TENM4: variants seen among roughly 807,000 people sequenced by gnomAD.
The protein encoded by TENM4 is teneurin transmembrane protein 4.
Under a neutral mutation model 243.3 loss-of-function variants are expected in TENM4, and 82 were observed. The observed-to-expected ratio is 0.34, with a 90% CI of 0.28 to 0.40. The LOEUF (loss-of-function observed/expected upper bound fraction) is 0.40, where lower values mean the gene tolerates loss of function less well. Ranked by LOEUF, TENM4 falls within the 10% of genes least tolerant of loss-of-function variation. The probability of loss-of-function intolerance (pLI) is 1.00; values close to 1 mark genes in which losing one functional copy is unlikely to be tolerated. For synonymous variants in TENM4, 1,412 were observed against 1,456.3 expected (o/e 0.97, Z 0.69); for missense variants, 3,138 against 3,673.3 (o/e 0.85, Z 3.77).
chr11:79,023,436 C>A (rs1164298558), intron 6 of TENM4, among the ~76,000 whole-genome samples: 1 of 151,932 alleles, frequency 6.6e-6, no homozygotes, highest in African/African-American at 2.4e-5. Flanking sequence ...GTGGTGTGCA[C>A]CTGTAATCCC....
intron 2 of TENM4, among the ~76,000 whole-genome samples, chr11:79,288,252 C>T (rs1032928329): frequency 6.6e-6 from 1 of 152,226 alleles, no homozygotes; most frequent in East Asian, 1.9e-4. Context: ...TAGACCCTGA[C>T]TGTGAGTTTG....
intron 3 of TENM4, chr11:79,193,134 C>A (rs1246625733): frequency 6.6e-6 from 1 of 152,240 alleles, no homozygotes; most frequent in Non-Finnish European, 1.5e-5. Context: ...TATTTGAGGA[C>A]TGAAAAGAAG....
chr11:79,184,823 C>T (rs1460773195), intron 3 of TENM4, among the ~76,000 whole-genome samples: 2 of 152,078 alleles, frequency 1.3e-5, no homozygotes, highest in African/African-American at 2.4e-5. Context: ...ATGTATTTAA[C>T]GCCCCTGAAC....
Position 79,032,670 on chromosome 11 carries a change from A to C in TENM4, c.493+32068T>G, listed in dbSNP as rs114659488. Among the ~76,000 whole-genome samples the C allele has an allele frequency of 8.9e-3, 1,357 of 152,276 alleles. 25 individuals carry two copies. The highest frequency in any genetic ancestry group is 0.031 in the African/African-American group (1,302 of 41,538). On this transcript the variant is annotated intron_variant, in intron 6 of 33. Coordinates refer to ENST00000278550, the MANE Select transcript of TENM4 (RefSeq NM_001098816.3). ...TCTGGTGGGAGTCTGTGGCTCATTC[A>C]CCTTCAACAGAAAGATAATTGCTTG...
chr11:79,293,288 A>C (rs1856387310), intron 2 of TENM4, among the ~76,000 whole-genome samples: 1 of 151,256 alleles, frequency 6.6e-6, no homozygotes, highest in Non-Finnish European at 1.5e-5. Context: ...AAGTCAGAAA[A>C]AGTAGGATGG....
chr11:78,697,076 A>T (rs1000376014), intron 28 of TENM4, among the ~76,000 whole-genome samples: 2 of 152,094 alleles, frequency 1.3e-5, no homozygotes, highest in Non-Finnish European at 2.9e-5. Context: ...CACAAAGGAC[A>T]CTTTCTTCTT....
chr11:79,391,603 T>A lies in TENM4; in HGVS notation c.-321+48906A>T, dbSNP rs187296441. Among the ~76,000 whole-genome samples, 626 of 152,368 alleles carry A rather than the reference T, an allele frequency of 4.1e-3. 4 individuals are homozygous for A. Among genetic ancestry groups the A allele is most frequent in the African/African-American group, 0.014 (572 of 41,578 alleles). ...TAAAACCAAAAGGTTGGGTTTTTTT[T>A]ATAACTCATTGGGTGAAAAACCTGA... is the stretch of plus-strand genomic sequence containing the variant. On this transcript the variant is annotated intron_variant, in intron 1 of 33. Transcript: ENST00000278550.
intron 9 of TENM4, among the ~76,000 whole-genome samples, chr11:78,863,508 C>T (rs1436094924): frequency 2.0e-5 from 3 of 152,194 alleles, no homozygotes; most frequent in Non-Finnish European, 4.4e-5. Context: ...CAAAGTCCAA[C>T]AACTCAGTAG....
At chr11:78,962,978 A>G (rs553557264) in intron 6 of TENM4, among the ~76,000 whole-genome samples, 1 of 152,376 alleles carries the variant, frequency 6.6e-6, no homozygotes, top group Admixed American at 6.5e-5. Context: ...AAATTCTGAC[A>G]TTCTCTGGAA....
chr11:78,977,072 C>T (rs1857676374), intron 6 of TENM4, among the ~76,000 whole-genome samples: 2 of 152,120 alleles, frequency 1.3e-5, no homozygotes, highest in South Asian at 4.1e-4. Context: ...CTCTCTGAAC[C>T]CTGTAGGGGG....
intron 18 of TENM4, among the ~76,000 whole-genome samples, chr11:78,762,388 G>A (rs1210453799): frequency 2.6e-5 from 4 of 152,190 alleles, no homozygotes; most frequent in African/African-American, 7.2e-5. Flanking sequence ...TTTGGCCTTA[G>A]AGAACTGAAG....
chr11:78,757,441 A>G (rs1291330764), intron 18 of TENM4, among the ~76,000 whole-genome samples: 3 of 152,204 alleles, frequency 2.0e-5, no homozygotes, highest in Non-Finnish European at 4.4e-5. Flanking sequence ...CAAGTTAGGG[A>G]GTTTGAATTT....
intron 20 of TENM4, among the ~76,000 whole-genome samples, chr11:78,736,775 T>A (rs1616834): frequency 0.58 from 88,693 of 151,992 alleles, 28,656 homozygotes; most frequent in Non-Finnish European, 0.75. Flanking sequence ...GTGGCTGAGT[T>A]GGGAAGAAAA....
intron 7 of TENM4, among the ~76,000 whole-genome samples, chr11:78,894,376 T>C (rs1855740222): frequency 6.6e-6 from 1 of 152,012 alleles, no homozygotes; most frequent in South Asian, 2.1e-4. Flanking sequence ...AACAAAAAAA[T>C]ACATTCAGAG....
intron 4 of TENM4, among the ~76,000 whole-genome samples, chr11:79,115,758 C>A (rs1276328993): frequency 1.3e-5 from 2 of 152,210 alleles, no homozygotes; most frequent in Admixed American, 1.3e-4. Context: ...AACTGAGGCA[C>A]AGATGAGTGA....
At chr11:79,321,047 T>G (rs1425132729) in intron 1 of TENM4, among the ~76,000 whole-genome samples, 1 of 152,234 alleles carries the variant, frequency 6.6e-6, no homozygotes, top group Non-Finnish European at 1.5e-5. Context: ...CTAGCAATTA[T>G]TCTATCTCAG....
At chr11:78,730,762 T>G (rs541818666) in intron 21 of TENM4, among the ~76,000 whole-genome samples, 1 of 152,188 alleles carries the variant, frequency 6.6e-6, no homozygotes, top group Non-Finnish European at 1.5e-5. Flanking sequence ...GATCTGGGCC[T>G]TTTTCATCCT....
At chr11:79,192,702 C>T (rs1000250971) in intron 3 of TENM4, among the ~76,000 whole-genome samples, 2 of 151,648 alleles carry the variant, frequency 1.3e-5, no homozygotes, top group African/African-American at 4.9e-5. Context: ...GTCCTATGAC[C>T]CTGCCAAATC....
chr11:79,196,263 G>A (rs934057418), intron 3 of TENM4, among the ~76,000 whole-genome samples: 2 of 152,052 alleles, frequency 1.3e-5, no homozygotes, highest in African/African-American at 4.8e-5. Context: ...GCACCAACCT[G>A]AGCCCAACAG....
Sources: allele counts gnomAD v4.1 joint callset (sites outside exome capture counted in the v4.1 genomes callset), GRCh38; gene constraint gnomAD v4.1.1; transcripts MANE v1.5; gene names NCBI Gene and HGNC (gene_info 2026-07-23, HGNC 2026-07-21).